MTUS2: variants seen among roughly 807,000 people sequenced by gnomAD.
The protein encoded by MTUS2 is microtubule-associated tumor suppressor candidate 2.
A neutral mutation model predicts 114.1 loss-of-function variants in MTUS2; 40 were observed. The observed-to-expected ratio is 0.35, with a 90% CI of 0.27 to 0.46. The LOEUF is 0.46. Among genes scored for constraint, MTUS2 ranks in the 20% least tolerant of loss-of-function variants. The probability of loss-of-function intolerance (pLI) is 1.00; values close to 1 mark genes in which losing one functional copy is unlikely to be tolerated. For synonymous variants in MTUS2, 688 were observed against 672.0 expected, an observed-to-expected ratio of 1.02 and a Z score of -0.37; for missense variants, 1,679 against 1,705.4, an observed-to-expected ratio of 0.98 and a Z score of 0.27.
At chr13:28,858,421 A>G (rs1876768738) in intron 2 of MTUS2, among the ~76,000 whole-genome samples, 1 of 152,022 alleles carries the variant, frequency 6.6e-6, no homozygotes, top group African/African-American at 2.4e-5. Flanking sequence ...AGTTATTTAA[A>G]CTTGTATCTC....
At chr13:29,433,262 G>A (rs1018468637) in intron 8 of MTUS2, among the ~76,000 whole-genome samples, 2 of 152,216 alleles carry the variant, frequency 1.3e-5, no homozygotes, top group African/African-American at 4.8e-5. Context: ...CTGAAATTAT[G>A]CATTTGTAAT....
chr13:28,871,746 T>C (rs569638190), intron 2 of MTUS2, among the ~76,000 whole-genome samples: 1 of 152,334 alleles, frequency 6.6e-6, no homozygotes, highest in South Asian at 2.1e-4. Context: ...ATAGGATTGC[T>C]GAAGTGGGGG....
rs1442207952 is a variant in MTUS2, at chr13:29,390,662, AAAAG to A, written c.3117+31201_3117+31204del. On this transcript the variant is annotated intron_variant, in intron 8 of 15. Coordinates refer to ENST00000612955, the MANE Select transcript of MTUS2 (RefSeq NM_001033602.4). ...GCGAGACTCCATCTCAAAAAAAAAA[AAAAG>A]AAAGAAAGAAAATATGTATTAGGGT... 7.4e-4 allele frequency among the ~76,000 whole-genome samples: 111 copies of A among 150,956 alleles called. 2 individuals are homozygous for A. Among genetic ancestry groups the A allele is most frequent in the African/African-American group, 2.6e-3 (105 of 40,724 alleles).
chr13:28,958,234 G>A (rs1463793027), intron 2 of MTUS2, among the ~76,000 whole-genome samples: 1 of 152,252 alleles, frequency 6.6e-6, no homozygotes, highest in African/African-American at 2.4e-5. Flanking sequence ...GCCCCGGATA[G>A]TGGGTTTGTA....
intron 5 of MTUS2, among the ~76,000 whole-genome samples, chr13:29,165,517 A>T (rs1030905455): frequency 6.6e-6 from 1 of 152,166 alleles, no homozygotes; most frequent in African/African-American, 2.4e-5. Flanking sequence ...GTCTTTCCTG[A>T]CACCTTAATA....
intron 2 of MTUS2, among the ~76,000 whole-genome samples, chr13:28,946,826 A>C (rs74041668): frequency 6.6e-6 from 1 of 152,182 alleles, no homozygotes; most frequent in African/African-American, 2.4e-5. Flanking sequence ...CTTGGATTCC[A>C]GGTGGAGCCA....
chr13:28,889,214 GA>G (rs1194767442), intron 2 of MTUS2, among the ~76,000 whole-genome samples: 1 of 151,594 alleles, frequency 6.6e-6, no homozygotes, highest in Non-Finnish European at 1.5e-5. Flanking sequence ...GCAGGCTTCA[GA>G]AAAAAAAGAA....
intron 2 of MTUS2, among the ~76,000 whole-genome samples, chr13:28,841,225 T>G (rs1195295088): frequency 1.3e-5 from 2 of 152,224 alleles, no homozygotes; most frequent in Non-Finnish European, 2.9e-5. Context: ...TGATAGATAT[T>G]GGTTGACAAA....
chr13:29,073,483 C>T (rs1041881614), intron 4 of MTUS2, among the ~76,000 whole-genome samples: 1 of 152,032 alleles, frequency 6.6e-6, no homozygotes, highest in Non-Finnish European at 1.5e-5. Flanking sequence ...TATTATTGCT[C>T]ATAATTCCCA....
intron 5 of MTUS2, among the ~76,000 whole-genome samples, chr13:29,224,290 G>A (rs1310996637): frequency 2.0e-5 from 3 of 152,120 alleles, no homozygotes; most frequent in Admixed American, 2.0e-4. Context: ...CTTCAAAAAG[G>A]CCCTTCATGT....
At chr13:28,844,590 A>AGAGT (rs148980977) in intron 2 of MTUS2, among the ~76,000 whole-genome samples, 15 of 148,198 alleles carry the variant, frequency 1.0e-4, no homozygotes, top group African/African-American at 3.5e-4. Context: ...TTTGTGTGTG[A>AGAGT]GTGTGTGTGT....
chr13:28,823,464 C>T (rs1056715525), intron 1 of MTUS2, among the ~76,000 whole-genome samples: 3 of 152,232 alleles, frequency 2.0e-5, no homozygotes, highest in Non-Finnish European at 4.4e-5. Flanking sequence ...TAGATCTTAT[C>T]ATCTTGACCC....
chr13:29,280,823 C>A (rs568573528), intron 5 of MTUS2, among the ~76,000 whole-genome samples: 1 of 152,250 alleles, frequency 6.6e-6, no homozygotes, highest in South Asian at 2.1e-4. Context: ...GAAAGACTTA[C>A]CCTTTAACAG....
chr13:29,242,976 C>T (rs1395167206), intron 5 of MTUS2, among the ~76,000 whole-genome samples: 1 of 152,026 alleles, frequency 6.6e-6, no homozygotes, highest in South Asian at 2.1e-4. Context: ...GTGCTGGTAA[C>T]TGAGATAGGA....
chr13:29,026,859 C>G lies in MTUS2; in HGVS notation c.2161C>G (p.Pro721Ala). 6.2e-6 allele frequency: 10 copies of G among 1,602,980 alleles called. No individual in the cohort carries two copies. Among genetic ancestry groups the G allele is most frequent in the South Asian group, 1.1e-5 (1 of 90,422 alleles). ...SGLMVSGIKPPGHPFSQMSEK... is the reference protein window; with the variant it reads ...SGLMVSGIKPAGHPFSQMSEK... ...ATTGATGGTGTCTGGAATCAAGCCC[C>G]CGGGACATCCTTTCAGTCAAATGAG... is the stretch of plus-strand genomic sequence containing the variant. Residue 721 changes from proline (P) to alanine (A), a missense_variant, in exon 3 of 16, where the codon CCG (proline) becomes GCG (alanine). Physicochemically the swap from Pro to Ala is conservative, Grantham distance 27. Transcript: ENST00000612955.
chr13:29,125,674 T>C (rs1275808741), intron 5 of MTUS2, among the ~76,000 whole-genome samples: 3 of 152,220 alleles, frequency 2.0e-5, no homozygotes, highest in Non-Finnish European at 4.4e-5. Context: ...TGAAAACTAA[T>C]AGCTTTACCT....
intron 5 of MTUS2, among the ~76,000 whole-genome samples, chr13:29,256,516 C>T (rs1002796282): frequency 3.3e-5 from 5 of 152,258 alleles, no homozygotes; most frequent in African/African-American, 1.2e-4. Flanking sequence ...AGGGCAGGGC[C>T]TCCTTCCTAT....
chr13:29,407,300 A>T (rs903470474), intron 8 of MTUS2, among the ~76,000 whole-genome samples: 1 of 152,066 alleles, frequency 6.6e-6, no homozygotes, highest in Non-Finnish European at 1.5e-5. Flanking sequence ...ATTAAAAATG[A>T]GCTGAACATT....
chr13:29,349,750 C>G (rs549249282), intron 7 of MTUS2, among the ~76,000 whole-genome samples: 1 of 152,082 alleles, frequency 6.6e-6, no homozygotes, highest in South Asian at 2.1e-4. Flanking sequence ...ATCTTTGGGT[C>G]TTTGTACATA....
Sources: allele counts gnomAD v4.1 joint callset (sites outside exome capture counted in the v4.1 genomes callset), GRCh38; gene constraint gnomAD v4.1.1; transcripts MANE v1.5; gene names NCBI Gene and HGNC (gene_info 2026-07-23, HGNC 2026-07-21).